Variants in POT1 observed in about 807,000 individuals in gnomAD.
POT1 encodes protection of telomeres protein 1.
A neutral mutation model predicts 78.5 loss-of-function variants in POT1; 47 were observed. The observed-to-expected ratio is 0.60, with a 90% CI of 0.47 to 0.76. The LOEUF is 0.76. Among genes scored for constraint, POT1 ranks in the 30% least tolerant of loss-of-function variants. The probability of loss-of-function intolerance (pLI) is 0.00; values close to 1 mark genes in which losing one functional copy is unlikely to be tolerated. For synonymous variants in POT1, 259 were observed against 260.7 expected (o/e 0.99, Z 0.06); for missense variants, 646 against 749.9 (o/e 0.86, Z 1.62).
In POT1 at chr7:124,876,601, C is replaced by T. The variant is rs530087707; in HGVS notation, c.125-5560G>A. Among the ~76,000 whole-genome samples, 22 of 152,230 alleles carry T rather than the reference C, an allele frequency of 1.4e-4. 1 individual carries two copies. Among genetic ancestry groups the T allele is most frequent in the Admixed American group, 7.2e-4 (11 of 15,288 alleles). ...CACAATGAGGTTATATCCTCACTTA[C>T]GCAATTTGGTTCAAAACTCAGGGGC... On this transcript the variant is annotated intron_variant, in intron 6 of 18. Coordinates refer to ENST00000357628, the MANE Select transcript of POT1 (RefSeq NM_015450.3).
chr7:124,825,229 A>G (rs765233277), intron 18 of POT1, 23 bp downstream of exon 18: 2 of 1,470,462 alleles, frequency 1.4e-6, no homozygotes, highest in Non-Finnish European at 1.9e-6. Context: ...GAAGTGTGGG[A>G]TTGTTAAAAT....
intron 2 of POT1, among the ~76,000 whole-genome samples, chr7:124,920,207 G>A (rs1797116209): frequency 6.6e-6 from 1 of 151,990 alleles, no homozygotes; most frequent in South Asian, 2.1e-4. Context: ...TTCCTACACT[G>A]GGCAATGGAT....
chr7:124,897,032 G>C (rs2116642598), intron 5 of POT1, 133 bp downstream of exon 5: 1 of 454,790 alleles, frequency 2.2e-6, no homozygotes, highest in South Asian at 7.3e-5. Flanking sequence ...TAAAGATTAT[G>C]TTTTTCCAGT....
Position 124,852,546 on chromosome 7 carries a change from G to C in POT1, c.869+426C>G, listed in dbSNP as rs565038984. On this transcript the variant is annotated intron_variant, in intron 10 of 18. Transcript: ENST00000357628. ...TGTAAAAATTTTAAAAAGTTTAAAA[G>C]AGAGTGATACACCAAAACATGTGTT... 2.9e-4 allele frequency among the ~76,000 whole-genome samples: 44 copies of C among 152,252 alleles called. 1 individual carries two copies. Among genetic ancestry groups the C allele is most frequent in the Admixed American group, 1.3e-3 (20 of 15,302 alleles).
intron 3 of POT1, among the ~76,000 whole-genome samples, chr7:124,913,951 T>G (rs1442491498): frequency 6.6e-6 from 1 of 151,818 alleles, no homozygotes; most frequent in Non-Finnish European, 1.5e-5. Flanking sequence ...CTGGCTAACA[T>G]GGTGAAACCC....
At chr7:124,920,019 A>C (rs1293043290) in intron 2 of POT1, among the ~76,000 whole-genome samples, 1 of 146,686 alleles carries the variant, frequency 6.8e-6, no homozygotes, top group Non-Finnish European at 1.5e-5. Flanking sequence ...TAACAGCTGA[A>C]TCTAGAGAAG....
intron 2 of POT1, among the ~76,000 whole-genome samples, chr7:124,919,330 T>A (rs941288383): frequency 6.6e-6 from 1 of 152,036 alleles, no homozygotes; most frequent in Non-Finnish European, 1.5e-5. Context: ...GTAATAAGAG[T>A]CTGCCTGTAT....
intron 3 of POT1, among the ~76,000 whole-genome samples, chr7:124,898,839 TA>T (rs1296446479): frequency 6.6e-6 from 1 of 152,132 alleles, no homozygotes. Context: ...TATATACTAA[TA>T]AGAACAAAGA....
intron 6 of POT1, among the ~76,000 whole-genome samples, chr7:124,890,308 G>T (rs911930034): frequency 1.3e-5 from 2 of 151,912 alleles, no homozygotes; most frequent in Admixed American, 1.3e-4. Context: ...AACAGATGAA[G>T]AGTTGCTTCT....
intron 6 of POT1, among the ~76,000 whole-genome samples, chr7:124,888,092 C>T (rs1563006320): frequency 6.6e-6 from 1 of 152,076 alleles, no homozygotes; most frequent in Non-Finnish European, 1.5e-5. Context: ...TATTCCAGAA[C>T]ATTCAGTTTC....
At chr7:124,925,379 A>G (rs1188612386) in intron 2 of POT1, among the ~76,000 whole-genome samples, 1 of 152,064 alleles carries the variant, frequency 6.6e-6, no homozygotes, top group African/African-American at 2.4e-5. Flanking sequence ...AATAAAATAA[A>G]ATGCCTAGGA....
intron 10 of POT1, among the ~76,000 whole-genome samples, 181 bp downstream of exon 10, chr7:124,852,791 T>G (rs1795344149): frequency 1.3e-5 from 2 of 152,116 alleles, no homozygotes; most frequent in Non-Finnish European, 2.9e-5. Flanking sequence ...ACCCTGGCTC[T>G]GCTACTACTT....
At chr7:124,888,504 T>A (rs1032810733) in intron 6 of POT1, among the ~76,000 whole-genome samples, 2 of 152,068 alleles carry the variant, frequency 1.3e-5, no homozygotes, top group African/African-American at 4.8e-5. Context: ...TAGAAAATGC[T>A]ACTTGGATTT....
intron 8 of POT1, among the ~76,000 whole-genome samples, chr7:124,859,661 A>T (rs931921954): frequency 1.3e-5 from 2 of 151,692 alleles, no homozygotes; most frequent in East Asian, 1.9e-4. Context: ...AAACCGTATT[A>T]CAGGTGAGAC....
Position 124,927,991 on chromosome 7 carries a change from T to C in POT1, c.-227+824A>G, listed in dbSNP as rs142583222. On this transcript the variant is annotated intron_variant, in intron 2 of 18. Transcript: ENST00000357628. ...ATCAATATGATCTCAGGCAAATTGC[T>C]TAACCTTTCTGAAACACAGTGTCTT... 3.3e-5 allele frequency among the ~76,000 whole-genome samples: 5 copies of C among 152,312 alleles called. No homozygotes were observed. In the East Asian group the frequency reaches 9.6e-4, roughly 29 times the overall value.
intron 6 of POT1, 28 bp from the exon 7 acceptor site, chr7:124,871,069 A>C: frequency 6.5e-7 from 1 of 1,539,706 alleles, no homozygotes; most frequent in Admixed American, 1.9e-5. Context: ...ATTTTACCTG[A>C]CTTTCAATAT....
At chr7:124,858,407 C>A (rs926711098) in intron 9 of POT1, among the ~76,000 whole-genome samples, 1 of 152,060 alleles carries the variant, frequency 6.6e-6, no homozygotes, top group South Asian at 2.1e-4. Context: ...TTAAGTACTG[C>A]CATATCTAAA....
Position 124,927,606 on chromosome 7 carries a change from T to A in POT1, c.-227+1209A>T, listed in dbSNP as rs554788107. On this transcript the variant is annotated intron_variant, in intron 2 of 18. Coordinates refer to ENST00000357628, the MANE Select transcript of POT1 (RefSeq NM_015450.3). Reference sequence around the variant, plus strand: ...CATCTCTGCTACTTATTCATACTACTTTCTTTCACTGACTCCTTCAACATG... The same window carrying A: ...CATCTCTGCTACTTATTCATACTACATTCTTTCACTGACTCCTTCAACATG... 3.9e-5 allele frequency among the ~76,000 whole-genome samples: 6 copies of A among 152,298 alleles called. No individual in the cohort carries two copies. In the South Asian group the frequency reaches 1.2e-3, roughly 32 times the overall value.
chr7:124,851,973 T>G (rs1795319845), intron 10 of POT1, 22 bp from the exon 11 acceptor site: 1 of 1,516,674 alleles, frequency 6.6e-7, no homozygotes, highest in Admixed American at 1.7e-5. Context: ...AGAATACAAT[T>G]TCAAATTGCA....
Sources: allele counts gnomAD v4.1 joint callset (sites outside exome capture counted in the v4.1 genomes callset), GRCh38; gene constraint gnomAD v4.1.1; transcripts MANE v1.5; gene names NCBI Gene and HGNC (gene_info 2026-07-23, HGNC 2026-07-21).